The following DAB1 variants were observed in gnomAD, a reference collection of about 807,000 sequenced individuals.
The protein encoded by DAB1 is DAB adaptor protein 1, also known as disabled homolog 1.
Under a neutral mutation model 64.6 loss-of-function variants are expected in DAB1, and 15 were observed. The ratio of observed to expected loss-of-function variants is 0.23; its 90% CI spans 0.16 to 0.36. DAB1 has a LOEUF of 0.36. Among genes scored for constraint, DAB1 ranks in the 10% least tolerant of loss-of-function variants. The pLI is 1.00. For synonymous variants in DAB1, 235 were observed against 251.9 expected (o/e 0.93, Z 0.64); for missense variants, 596 against 706.7 (o/e 0.84, Z 1.78).
chr1:57,302,070 A>G (rs1270054606), intron 1 of DAB1, among the ~76,000 whole-genome samples: 1 of 152,182 alleles, frequency 6.6e-6, no homozygotes, highest in Non-Finnish European at 1.5e-5. Flanking sequence ...ATGATTTGCT[A>G]GTCCAATCTC....
chr1:58,192,682 T>C (rs964548808), intron 4 of DAB1, among the ~76,000 whole-genome samples: 3 of 152,188 alleles, frequency 2.0e-5, no homozygotes, highest in Admixed American at 6.5e-5. Context: ...TATGTATGTC[T>C]CGCATTTTCT....
At chr1:57,086,456 G>A (rs1485175546) in intron 4 of DAB1, among the ~76,000 whole-genome samples, 2 of 152,132 alleles carry the variant, frequency 1.3e-5, no homozygotes, top group African/African-American at 4.8e-5. Flanking sequence ...TTGAGCAACT[G>A]TTCTTTTTCT....
chr1:58,001,933 A>T (rs1338723442), intron 5 of DAB1, among the ~76,000 whole-genome samples: 1 of 152,266 alleles, frequency 6.6e-6, no homozygotes, highest in Non-Finnish European at 1.5e-5. Flanking sequence ...TACAGAAAGG[A>T]AAAGGTGGTA....
intron 1 of DAB1, among the ~76,000 whole-genome samples, chr1:57,361,137 CA>C (rs1234991769): frequency 3.3e-5 from 5 of 151,618 alleles, no homozygotes; most frequent in Non-Finnish European, 5.9e-5. Flanking sequence ...AGCTTTCAGA[CA>C]AAAAAATAAA....
At chr1:58,513,107 C>T (rs139319567) in intron 2 of DAB1, among the ~76,000 whole-genome samples, 7 of 152,074 alleles carry the variant, frequency 4.6e-5, no homozygotes, top group African/African-American at 1.4e-4. Flanking sequence ...CCCCATGTGT[C>T]GAGGGAGGGA....
chr1:58,302,713 C>T (rs2100464553), intron 4 of DAB1, among the ~76,000 whole-genome samples: 1 of 152,066 alleles, frequency 6.6e-6, no homozygotes, highest in South Asian at 2.1e-4. Context: ...AATAAAAGTA[C>T]TTTATAGGGC....
intron 1 of DAB1, among the ~76,000 whole-genome samples, chr1:57,846,803 A>C (rs555526164): frequency 8.5e-5 from 13 of 152,354 alleles, no homozygotes; most frequent in Admixed American, 2.6e-4. Flanking sequence ...AACGAAACAC[A>C]TACACGTGCA....
At chr1:58,443,273 T>C (rs1000397759) in intron 3 of DAB1, among the ~76,000 whole-genome samples, 3 of 152,260 alleles carry the variant, frequency 2.0e-5, no homozygotes, top group African/African-American at 2.4e-5. Flanking sequence ...AGTTGGACAA[T>C]GCCAGCCTCT....
At chr1:58,161,757 T>C (rs1027201200) in intron 4 of DAB1, among the ~76,000 whole-genome samples, 5 of 152,196 alleles carry the variant, frequency 3.3e-5, no homozygotes, top group Non-Finnish European at 7.3e-5. Flanking sequence ...AGTTAGTAAG[T>C]AGTAAAACTT....
intron 6 of DAB1, among the ~76,000 whole-genome samples, chr1:57,686,032 C>T (rs1646693382): frequency 6.6e-6 from 1 of 151,888 alleles, no homozygotes; most frequent in African/African-American, 2.4e-5. Context: ...AACCCCAAAG[C>T]TAGCAAAAGA....
chr1:57,974,971 A>G (rs906783297), intron 5 of DAB1, among the ~76,000 whole-genome samples: 3 of 152,144 alleles, frequency 2.0e-5, no homozygotes, highest in African/African-American at 7.2e-5. Context: ...CTTTAAAAAA[A>G]CTCACAGCCT....
At chr1:57,492,481 G>T (rs1390678191) in intron 7 of DAB1, among the ~76,000 whole-genome samples, 1 of 152,178 alleles carries the variant, frequency 6.6e-6, no homozygotes, top group Admixed American at 6.5e-5. Flanking sequence ...CTGAGGTGAT[G>T]AAAACTTCCT....
chr1:57,849,465 T>C (rs559738563), intron 1 of DAB1, among the ~76,000 whole-genome samples: 1 of 152,304 alleles, frequency 6.6e-6, no homozygotes, highest in Non-Finnish European at 1.5e-5. Flanking sequence ...TAATGAAGGC[T>C]CTCCAGTCCT....
intron 2 of DAB1, among the ~76,000 whole-genome samples, chr1:57,215,820 A>T (rs1666383205): frequency 6.6e-6 from 1 of 152,082 alleles, no homozygotes; most frequent in South Asian, 2.1e-4. Flanking sequence ...ATGTCCATGC[A>T]TTTCTGAAAG....
rs1043446263 is a variant in DAB1, at chr1:58,182,747, T to C, written n.310-32159A>G. 4.5e-4 allele frequency among the ~76,000 whole-genome samples: 69 copies of C among 152,184 alleles called. 1 individual carries two copies. Among genetic ancestry groups the C allele is most frequent in the African/African-American group, 1.5e-3 (64 of 41,488 alleles). Reference sequence around the variant, plus strand: ...GTTTGCTTTCACCTTTGAACAGATTTATAATAGCTGCTTTGAAGTCTTTTT... The same window carrying C: ...GTTTGCTTTCACCTTTGAACAGATTCATAATAGCTGCTTTGAAGTCTTTTT... On this transcript the variant is annotated intron_variant and non_coding_transcript_variant, in intron 4 of 20. Transcript: ENST00000485760.
intron 7 of DAB1, among the ~76,000 whole-genome samples, chr1:57,477,487 A>C (rs920687369): frequency 1.3e-5 from 2 of 152,178 alleles, no homozygotes; most frequent in African/African-American, 4.8e-5. Flanking sequence ...GAAAACACTT[A>C]TTTCAGGACA....
At chr1:57,675,052 C>G (rs1475141789) in intron 6 of DAB1, among the ~76,000 whole-genome samples, 2 of 152,120 alleles carry the variant, frequency 1.3e-5, no homozygotes, top group African/African-American at 4.8e-5. Flanking sequence ...TCTATTGCAC[C>G]ATATATTGAG....
At chr1:58,223,242 G>T (rs1224073502) in intron 4 of DAB1, among the ~76,000 whole-genome samples, 1 of 152,168 alleles carries the variant, frequency 6.6e-6, no homozygotes, top group African/African-American at 2.4e-5. Context: ...ATCTTATCTG[G>T]TTCCATCAAA....
chr1:57,212,620 G>T (rs1451770029), intron 2 of DAB1, among the ~76,000 whole-genome samples: 1 of 151,858 alleles, frequency 6.6e-6, no homozygotes, highest in Non-Finnish European at 1.5e-5. Context: ...ACCCGCCTCG[G>T]CCTCTCAAAG....
Sources: allele counts gnomAD v4.1 joint callset (sites outside exome capture counted in the v4.1 genomes callset), GRCh38; gene constraint gnomAD v4.1.1; transcripts MANE v1.5; gene names NCBI Gene and HGNC (gene_info 2026-07-23, HGNC 2026-07-21).